SNTG1: variants seen among roughly 807,000 people sequenced by gnomAD.
SNTG1 encodes the protein syntrophin gamma 1, also known as gamma-1-syntrophin.
Under a neutral mutation model 74.7 loss-of-function variants are expected in SNTG1, and 39 were observed. The ratio of observed to expected loss-of-function variants is 0.52; its 90% confidence interval spans 0.40 to 0.68. The LOEUF (loss-of-function observed/expected upper bound fraction) is 0.68. SNTG1 is among the 30% of genes least tolerant of loss of function. The pLI, the probability that SNTG1 is intolerant of heterozygous loss-of-function variation, is 0.00. For missense variants in SNTG1, 685 were observed against 609.5 expected (o/e 1.12, Z -1.30); for synonymous variants, 254 against 217.1 (o/e 1.17, Z -1.49).
intron 2 of SNTG1, among the ~76,000 whole-genome samples, chr8:50,258,227 A>G (rs1157097831): frequency 3.9e-5 from 6 of 152,240 alleles, no homozygotes; most frequent in African/African-American, 9.6e-5. Context: ...TTCACTGATG[A>G]GGATGCTAAT....
chr8:50,402,725 C>T (rs2092822780), intron 4 of SNTG1, among the ~76,000 whole-genome samples: 1 of 152,142 alleles, frequency 6.6e-6, no homozygotes, highest in Non-Finnish European at 1.5e-5. Context: ...CAGGGTGGGG[C>T]CCAACCTTCA....
chr8:49,926,587 A>C lies in SNTG1; in HGVS notation c.-103+14356A>C, dbSNP rs988270498. On this transcript the variant is annotated intron_variant, in intron 1 of 18. Coordinates refer to ENST00000642720, the MANE Select transcript of SNTG1 (RefSeq NM_018967.5). Reference sequence around the variant, plus strand: ...GACCTTAACAGTATTGACAAAAATTAACTTAAAGTGAATCATTCATCCAAA... The same window carrying C: ...GACCTTAACAGTATTGACAAAAATTCACTTAAAGTGAATCATTCATCCAAA... Among the ~76,000 whole-genome samples the C allele has an allele frequency of 3.9e-5, 6 of 152,170 alleles. No homozygotes were observed. In the East Asian group the frequency reaches 1.2e-3, roughly 29 times the overall value.
intron 5 of SNTG1, among the ~76,000 whole-genome samples, chr8:50,441,360 A>G (rs2093356095): frequency 6.6e-6 from 1 of 152,146 alleles, no homozygotes; most frequent in African/African-American, 2.4e-5. Context: ...CTTATATAAG[A>G]CATTGTACAA....
intron 1 of SNTG1, among the ~76,000 whole-genome samples, chr8:49,973,839 C>T (rs1811946016): frequency 6.6e-6 from 1 of 152,148 alleles, no homozygotes. Context: ...TATAGAATTT[C>T]ATTTCAACAA....
chr8:50,367,237 T>C (rs1446774987), intron 2 of SNTG1, among the ~76,000 whole-genome samples: 1 of 151,992 alleles, frequency 6.6e-6, no homozygotes, highest in East Asian at 1.9e-4. Flanking sequence ...ATTCTTTAAA[T>C]GTTAGAAATT....
intron 8 of SNTG1, among the ~76,000 whole-genome samples, chr8:50,484,181 C>CTTCT: frequency 9.0e-6 from 1 of 111,368 alleles, no homozygotes; most frequent in African/African-American, 3.0e-5. Flanking sequence ...TCCTTCCTTC[C>CTTCT]TTCCTTCCTT....
At chr8:50,003,950 A>G (rs1274868013) in intron 1 of SNTG1, among the ~76,000 whole-genome samples, 5 of 152,114 alleles carry the variant, frequency 3.3e-5, no homozygotes, top group African/African-American at 1.2e-4. Context: ...TATTCTAGTT[A>G]AAAGAATTTG....
intron 11 of SNTG1, among the ~76,000 whole-genome samples, chr8:50,550,544 G>C (rs2094418858): frequency 6.6e-6 from 1 of 152,110 alleles, no homozygotes; most frequent in African/African-American, 2.4e-5. Context: ...AACCTACTTT[G>C]AGATTGAGCA....
intron 1 of SNTG1, among the ~76,000 whole-genome samples, chr8:50,019,320 C>G (rs1322802801): frequency 6.6e-6 from 1 of 151,974 alleles, no homozygotes; most frequent in Non-Finnish European, 1.5e-5. Flanking sequence ...GTAAGACGTT[C>G]AGTCTTGAGA....
At chr8:50,215,549 T>C (rs1254168943) in intron 2 of SNTG1, among the ~76,000 whole-genome samples, 1 of 150,460 alleles carries the variant, frequency 6.6e-6, no homozygotes, top group Non-Finnish European at 1.5e-5. Flanking sequence ...CATTTTATTA[T>C]AATTGTTATT....
intron 1 of SNTG1, among the ~76,000 whole-genome samples, chr8:49,928,724 G>T (rs1163153897): frequency 6.6e-6 from 1 of 151,760 alleles, no homozygotes; most frequent in African/African-American, 2.4e-5. Context: ...AAATTTTCTT[G>T]TTTGTAAAAT....
chr8:49,923,621 G>A (rs1806754830), intron 1 of SNTG1, among the ~76,000 whole-genome samples: 1 of 151,858 alleles, frequency 6.6e-6, no homozygotes, highest in African/African-American at 2.4e-5. Context: ...ATACATGAAA[G>A]TTTTGAGCAT....
At chr8:50,056,676 T>C (rs1820050016) in intron 1 of SNTG1, among the ~76,000 whole-genome samples, 1 of 152,148 alleles carries the variant, frequency 6.6e-6, no homozygotes, top group Non-Finnish European at 1.5e-5. Flanking sequence ...TGTGGTGCCG[T>C]GTGGTTTACT....
chr8:50,497,170 A>T (rs543460234), intron 8 of SNTG1, among the ~76,000 whole-genome samples: 111 of 152,054 alleles, frequency 7.3e-4, no homozygotes, highest in Admixed American at 6.5e-4. Flanking sequence ...TATATTTTTC[A>T]CTTATACTTG....
intron 1 of SNTG1, among the ~76,000 whole-genome samples, chr8:50,159,901 A>C (rs975034431): frequency 1.1e-4 from 17 of 152,194 alleles, no homozygotes; most frequent in South Asian, 2.1e-4. Flanking sequence ...CAGTTGAAGA[A>C]ATTAAACCAA....
At chr8:49,943,177 AG>A (rs1808856564) in intron 1 of SNTG1, among the ~76,000 whole-genome samples, 1 of 152,206 alleles carries the variant, frequency 6.6e-6, no homozygotes, top group South Asian at 2.1e-4. Context: ...TGGGAGTGAA[AG>A]AACGTTTCAG....
chr8:49,958,569 T>C (rs931028256), intron 1 of SNTG1, among the ~76,000 whole-genome samples: 2 of 151,996 alleles, frequency 1.3e-5, no homozygotes, highest in Non-Finnish European at 2.9e-5. Context: ...TACAGGCGCC[T>C]GCCACCACGC....
chr8:50,499,531 C>T (rs796084327), intron 8 of SNTG1, among the ~76,000 whole-genome samples: 23 of 150,580 alleles, frequency 1.5e-4, no homozygotes, highest in African/African-American at 5.6e-4. Flanking sequence ...AATTTTTTCT[C>T]TATATTGTCC....
At chr8:50,365,606 T>C (rs2092086745) in intron 2 of SNTG1, among the ~76,000 whole-genome samples, 1 of 152,136 alleles carries the variant, frequency 6.6e-6, no homozygotes, top group Admixed American at 6.5e-5. Flanking sequence ...ATAAATGTTT[T>C]TGTTTTAATT....
Sources: allele counts gnomAD v4.1 joint callset (sites outside exome capture counted in the v4.1 genomes callset), GRCh38; gene constraint gnomAD v4.1.1; transcripts MANE v1.5; gene names NCBI Gene and HGNC (gene_info 2026-07-23, HGNC 2026-07-21).